ZFP41: variants seen among roughly 807,000 people sequenced by gnomAD.
ZFP41 encodes the protein zinc finger protein 41 homolog.
In ZFP41, 10 loss-of-function variants were observed where a neutral mutation model predicts 11.6. The ratio of observed to expected loss-of-function variants is 0.86; its 90% CI spans 0.53 to 1.47. ZFP41 has a LOEUF of 1.47. Among genes scored for constraint, ZFP41 ranks in the 40% most tolerant of loss-of-function variants. ZFP41 has a pLI of 0.00. For missense variants in ZFP41, 302 were observed against 264.6 expected (o/e 1.14, Z -0.98); for synonymous variants, 123 against 100.9 (o/e 1.22, Z -1.31).
Position 143,250,263 on chromosome 8 carries a change from G to A in ZFP41, c.420G>A (p.Glu140=). ...AACACCAGAGGACTCACACGGGAGA[G>A]AAGCCCTTCAAATGCGGGGAGTGCG... ...VTKHQRTHTG[E]KPFKCGECGK... is the part of the protein sequence containing the mutation. Residue 140 remains glutamate (E), a synonymous_variant, in exon 2 of 3, where the codon GAG becomes GAA. Coordinates refer to ENST00000330701, the MANE Select transcript of ZFP41 (RefSeq NM_173832.6). The A allele has an allele frequency of 1.9e-6, 3 of 1,614,118 alleles. No individual in the cohort carries two copies. In the East Asian group the frequency reaches 6.7e-5, roughly 36 times the overall value.
intron 1 of ZFP41, 175 bp from the exon 2 acceptor site, chr8:143,249,515 C>T (rs1816753818): frequency 8.7e-6 from 2 of 231,126 alleles, no homozygotes; most frequent in African/African-American, 2.2e-5. Context: ...CAACTGATCC[C>T]TTCATCGAGA....
Position 143,260,726 on chromosome 8 carries a change from G to T in ZFP41, c.*1852G>T. On this transcript the variant is annotated 3_prime_UTR_variant, in exon 3 of 3. Transcript: ENST00000330701. ...CTGACCAGCAGGCACCATCCTTCCA[G>T]CCTTGCTCAGTCACCCTGACCCAGA... The T allele has an allele frequency of 1.1e-5, 2 of 190,304 alleles. No homozygotes were observed. Among genetic ancestry groups the T allele is most frequent in the Non-Finnish European group, 2.2e-5 (2 of 89,984 alleles). 11.8% of individuals were successfully genotyped at this position (190,304 alleles called of 1,614,324 possible).
At chr8:143,249,666 G>A (rs1355826293) in intron 1 of ZFP41, 24 bp from the exon 2 acceptor site, 1 of 1,036,540 alleles carries the variant, frequency 9.6e-7, no homozygotes, top group East Asian at 2.7e-5. Context: ...TTAATCTGAG[G>A]TTCATGTTCT....
chr8:143,248,739 T>C (rs1177392905), intron 1 of ZFP41, among the ~76,000 whole-genome samples: 3 of 150,960 alleles, frequency 2.0e-5, no homozygotes, highest in African/African-American at 7.3e-5. Flanking sequence ...GCATCCTCCC[T>C]CAGCACACGT....
At chr8:143,258,873 G>A (rs752863037) in intron 2 of ZFP41, among the ~76,000 whole-genome samples, 2 of 152,182 alleles carry the variant, frequency 1.3e-5, no homozygotes, top group African/African-American at 2.4e-5. Flanking sequence ...GGTCGGATTC[G>A]GATCCTTGCA....
At chr8:143,252,306 A>G (rs1814784852) in intron 2 of ZFP41, among the ~76,000 whole-genome samples, 1 of 152,116 alleles carries the variant, frequency 6.6e-6, no homozygotes, top group African/African-American at 2.4e-5. Context: ...AGGTCGGGTG[A>G]CACTCAGTGC....
intron 2 of ZFP41, among the ~76,000 whole-genome samples, chr8:143,256,646 G>A (rs564943741): frequency 6.6e-6 from 1 of 152,340 alleles, no homozygotes; most frequent in South Asian, 2.1e-4. Context: ...GGAAGGCCGA[G>A]GCAGGAGGAT....
chr8:143,253,907 G>C (rs1158200849), intron 2 of ZFP41, among the ~76,000 whole-genome samples: 1 of 152,172 alleles, frequency 6.6e-6, no homozygotes, highest in East Asian at 1.9e-4. Context: ...TGGATGGTTT[G>C]AGTATGAAAC....
intron 2 of ZFP41, among the ~76,000 whole-genome samples, chr8:143,256,242 C>T (rs35988876): frequency 1.8e-5 from 2 of 113,674 alleles, no homozygotes; most frequent in Admixed American, 8.4e-5. Context: ...GGGCTCGCCC[C>T]GCGTGCTGGT....
chr8:143,258,702 C>A (rs978313378), intron 2 of ZFP41, among the ~76,000 whole-genome samples: 3 of 152,036 alleles, frequency 2.0e-5, no homozygotes, highest in Admixed American at 2.0e-4. Flanking sequence ...GCAGCGAGAC[C>A]CCATCTCTAG....
rs1239628473 is a variant in ZFP41, at chr8:143,261,932, TCTCCGGCA to T, written c.*3059_*3066del. The T allele has an allele frequency of 3.6e-4, 8 of 22,496 alleles. No individual in the cohort carries two copies. The highest frequency in any genetic ancestry group is 3.1e-3 in the East Asian group (2 of 640). The allele number at this position is 22,496 out of a possible 1,614,324, so 1.4% of individuals were successfully genotyped here. ...TCTCCGGCAGCACCTGCCACGCCCG[TCTCCGGCA>T]GCACCTGCCACGCCCGTCTCCGGCA... On this transcript the variant is annotated 3_prime_UTR_variant, in exon 3 of 3. Transcript: ENST00000330701.
chr8:143,260,957 C>T lies in ZFP41; in HGVS notation c.*2083C>T, dbSNP rs971766357. On this transcript the variant is annotated 3_prime_UTR_variant, in exon 3 of 3. Coordinates refer to ENST00000330701, the MANE Select transcript of ZFP41 (RefSeq NM_173832.6). Reference sequence around the variant, plus strand: ...GCATTTTGAGAGCTATGCCAGCATCCATCCCTGCAGGTCCCATCCCTGAGC... The same window carrying T: ...GCATTTTGAGAGCTATGCCAGCATCTATCCCTGCAGGTCCCATCCCTGAGC... 6.5e-6 allele frequency: 1 copy of T among 153,026 alleles called. No homozygotes were observed. Among genetic ancestry groups the T allele is most frequent in the African/African-American group, 2.4e-5 (1 of 41,476 alleles). The allele number at this position is 153,026 out of a possible 1,614,324, so 9.5% of individuals were successfully genotyped here.
At chr8:143,256,427 G>A (rs1814915521) in intron 2 of ZFP41, among the ~76,000 whole-genome samples, 1 of 151,826 alleles carries the variant, frequency 6.6e-6, no homozygotes, top group African/African-American at 2.4e-5. Context: ...GCTGGTGTTA[G>A]TGAGATCAGG....
intron 1 of ZFP41, chr8:143,249,093 C>T (rs535381045): frequency 6.6e-6 from 1 of 152,366 alleles, no homozygotes; most frequent in Admixed American, 6.5e-5. Context: ...TGACCAAGAA[C>T]TAATACAAAG....
chr8:143,259,579 C>T (rs1281887000), intron 2 of ZFP41, among the ~76,000 whole-genome samples, 196 bp from the exon 3 acceptor site: 4 of 152,140 alleles, frequency 2.6e-5, no homozygotes, highest in Admixed American at 6.5e-5. Flanking sequence ...CGGGTTAACG[C>T]CCACTTCCAC....
Position 143,250,386 on chromosome 8 carries a change from C to G in ZFP41, c.543C>G (p.Ala181=). Residue 181 remains alanine (A), a synonymous_variant, in exon 2 of 3, where the codon GCC becomes GCG. Transcript: ENST00000330701. ...GCACGCACTGTGGGAAAGCCTTTGC[C>G]TACAGCTCCTGTCTCATCCGCCATC... ...YECTHCGKAF[A]YSSCLIRHQK... is the part of the protein sequence containing the mutation. 1 of 1,613,918 alleles carries G rather than the reference C, an allele frequency of 6.2e-7. No homozygotes were observed. The highest frequency in any genetic ancestry group is 8.5e-7 in the Non-Finnish European group (1 of 1,179,984).
At chr8:143,254,072 G>A (rs1814848395) in intron 2 of ZFP41, among the ~76,000 whole-genome samples, 1 of 152,168 alleles carries the variant, frequency 6.6e-6, no homozygotes, top group African/African-American at 2.4e-5. Context: ...ACGCTCACTC[G>A]CCTGCCACCC....
chr8:143,254,995 G>C (rs1027768773), intron 2 of ZFP41, among the ~76,000 whole-genome samples: 1 of 152,150 alleles, frequency 6.6e-6, no homozygotes, highest in Non-Finnish European at 1.5e-5. Context: ...CATATTTAGG[G>C]CCAATAGGAC....
At position 143,247,120 on chromosome 8, in the gene ZFP41, C is replaced by T. The variant is rs908770186; in HGVS notation, c.-177C>T. On this transcript the variant is annotated 5_prime_UTR_variant, in exon 1 of 3. Transcript: ENST00000330701. ...TCCGCGCTCTGCAGCGGGAGGTCCT[C>T]GTCGCCTCTCGTCTCCAGCCAGGTA... 2.0e-5 allele frequency: 3 copies of T among 152,378 alleles called. No homozygotes were observed. The highest frequency in any genetic ancestry group is 2.0e-4 in the Admixed American group (3 of 15,288). 9.4% of individuals were successfully genotyped at this position (152,378 alleles called of 1,614,324 possible).
Sources: allele counts gnomAD v4.1 joint callset (sites outside exome capture counted in the v4.1 genomes callset), GRCh38; gene constraint gnomAD v4.1.1; transcripts MANE v1.5; gene names NCBI Gene and HGNC (gene_info 2026-07-23, HGNC 2026-07-21).